Variants in GREB1L observed in about 807,000 individuals in gnomAD.
The protein encoded by GREB1L is GREB1-like protein.
GREB1L carries 17 observed loss-of-function variants against 200.8 expected under a neutral mutation model. The ratio of observed to expected loss-of-function variants is 0.08; its 90% CI spans 0.06 to 0.13. GREB1L has a LOEUF of 0.13. GREB1L is among the 10% of genes least tolerant of loss of function. GREB1L has a pLI of 1.00. For missense variants in GREB1L, 1,657 were observed against 2,367.7 expected (o/e 0.70, Z 6.23); for synonymous variants, 789 against 893.0 (o/e 0.88, Z 2.08).
intron 7 of GREB1L, among the ~76,000 whole-genome samples, chr18:21,428,138 C>G (rs1234698334): frequency 7.4e-6 from 1 of 134,254 alleles, no homozygotes; most frequent in Non-Finnish European, 1.5e-5. Flanking sequence ...TGCAGTGAGC[C>G]GAGATTGCGC....
intron 16 of GREB1L, among the ~76,000 whole-genome samples, chr18:21,474,369 C>T (rs2035602012): frequency 6.6e-6 from 1 of 152,196 alleles, no homozygotes; most frequent in Admixed American, 6.5e-5. Context: ...AGGCTACTGG[C>T]ACCAGTAGGA....
intron 2 of GREB1L, chr18:21,380,581 G>A (rs2040263074): frequency 6.6e-6 from 1 of 152,246 alleles, no homozygotes; most frequent in African/African-American, 2.4e-5. Flanking sequence ...CACATGACTA[G>A]ATACTGAGTC....
At chr18:21,319,877 G>A (rs187725519) in intron 1 of GREB1L, among the ~76,000 whole-genome samples, 12 of 152,312 alleles carry the variant, frequency 7.9e-5, no homozygotes, top group Non-Finnish European at 1.6e-4. Context: ...CTTCCCCAGA[G>A]CTGGTTTGGC....
chr18:21,317,632 A>T (rs1305986740), intron 1 of GREB1L: 1 of 151,950 alleles, frequency 6.6e-6, no homozygotes, highest in African/African-American at 2.4e-5. Context: ...GTGCAAGTAT[A>T]AAAAAAATTT....
At chr18:21,268,518 T>TACACACAC (rs1158925252) in intron 1 of GREB1L, among the ~76,000 whole-genome samples, 1 of 77,300 alleles carries the variant, frequency 1.3e-5, no homozygotes, top group African/African-American at 7.6e-5. Context: ...TATGTATATA[T>TACACACAC]ATATACACAC....
chr18:21,458,097 T>A (rs1444731642), intron 15 of GREB1L, among the ~76,000 whole-genome samples: 1 of 150,882 alleles, frequency 6.6e-6, no homozygotes, highest in East Asian at 2.0e-4. Context: ...ACCTCCAGAG[T>A]AGCTGGGATT....
At chr18:21,506,423 C>T (rs1001935060) in intron 25 of GREB1L, among the ~76,000 whole-genome samples, 2 of 151,246 alleles carry the variant, frequency 1.3e-5, no homozygotes, top group African/African-American at 2.4e-5. Flanking sequence ...ATGCATGAAG[C>T]CATAATTAAA....
At chr18:21,479,397 A>G (rs1338780184) in intron 17 of GREB1L, among the ~76,000 whole-genome samples, 1 of 152,148 alleles carries the variant, frequency 6.6e-6, no homozygotes, top group African/African-American at 2.4e-5. Flanking sequence ...AAGTCATTTT[A>G]GCCAGGCACA....
At chr18:21,354,849 G>C (rs1157364663) in intron 1 of GREB1L, among the ~76,000 whole-genome samples, 3 of 152,224 alleles carry the variant, frequency 2.0e-5, no homozygotes, top group Non-Finnish European at 2.9e-5. Context: ...GCAAGATAAG[G>C]CTGGAGAGAT....
At chr18:21,372,146 C>CT (rs1428080234) in intron 2 of GREB1L, among the ~76,000 whole-genome samples, 2 of 150,394 alleles carry the variant, frequency 1.3e-5, no homozygotes, top group Admixed American at 6.6e-5. Flanking sequence ...ACAAATTTGT[C>CT]TCTCTTTTTT....
chr18:21,409,533 G>A (rs2586201), intron 7 of GREB1L, among the ~76,000 whole-genome samples: 85,950 of 152,044 alleles, frequency 0.57, 26,932 homozygotes, highest in African/African-American at 0.85. Flanking sequence ...CATAAAGTAT[G>A]CCTCAATTAA....
chr18:21,273,219 C>T (rs1034393196), intron 1 of GREB1L, among the ~76,000 whole-genome samples: 1 of 152,066 alleles, frequency 6.6e-6, no homozygotes, highest in African/African-American at 2.4e-5. Flanking sequence ...CAGAATGAGA[C>T]TCCATCTCAA....
intron 15 of GREB1L, among the ~76,000 whole-genome samples, chr18:21,459,444 C>G (rs185247368): frequency 2.0e-5 from 3 of 151,860 alleles, no homozygotes; most frequent in African/African-American, 7.2e-5. Context: ...CACCACCATG[C>G]CCAGCTAATT....
intron 6 of GREB1L, 120 bp downstream of exon 6, chr18:21,401,446 A>G: frequency 1.2e-6 from 1 of 809,858 alleles, no homozygotes; most frequent in Non-Finnish European, 1.8e-6. Context: ...TCAGAAGGAT[A>G]TCCCAAAATT....
intron 7 of GREB1L, among the ~76,000 whole-genome samples, chr18:21,412,352 G>T (rs116023328): frequency 6.6e-6 from 1 of 152,038 alleles, no homozygotes; most frequent in Non-Finnish European, 1.5e-5. Flanking sequence ...GGTCAAGGCC[G>T]CAGTGAGCTG....
intron 2 of GREB1L, among the ~76,000 whole-genome samples, chr18:21,368,064 ATGTATATAG>A (rs1371778396): frequency 6.6e-6 from 1 of 152,236 alleles, no homozygotes; most frequent in African/African-American, 2.4e-5. Flanking sequence ...ATATATTACA[ATGTATATAG>A]TAAGGGAAGA....
intron 1 of GREB1L, 68 bp downstream of exon 1, chr18:21,242,461 C>T (rs2037513409): frequency 6.6e-6 from 1 of 152,284 alleles, no homozygotes; most frequent in Non-Finnish European, 1.5e-5. Context: ...CGCGGGAGCT[C>T]GCCTGTGACC....
intron 7 of GREB1L, among the ~76,000 whole-genome samples, chr18:21,420,908 TA>T (rs1190711030): frequency 5.3e-5 from 8 of 152,172 alleles, no homozygotes; most frequent in Non-Finnish European, 1.2e-4. Context: ...GGTGAATGGA[TA>T]AATAAATTGA....
chr18:21,456,081 T>C (rs1435189742), intron 15 of GREB1L, among the ~76,000 whole-genome samples: 1 of 151,968 alleles, frequency 6.6e-6, no homozygotes, highest in African/African-American at 2.4e-5. Context: ...AATTTTTGTA[T>C]TTTTAGTAGA....
Sources: allele counts gnomAD v4.1 joint callset (sites outside exome capture counted in the v4.1 genomes callset), GRCh38; gene constraint gnomAD v4.1.1; transcripts MANE v1.5; gene names NCBI Gene and HGNC (gene_info 2026-07-23, HGNC 2026-07-21).